MMEL1: variants seen among roughly 807,000 people sequenced by gnomAD.
MMEL1 encodes the protein membrane metalloendopeptidase like 1.
MMEL1 carries 98 observed loss-of-function variants against 117.1 expected under a neutral mutation model. The ratio of observed to expected loss-of-function variants is 0.84; its 90% CI spans 0.71 to 0.99. The LOEUF (loss-of-function observed/expected upper bound fraction) is 0.99. Ranked by LOEUF, MMEL1 falls within the 50% of genes least tolerant of loss-of-function variation. The pLI is 0.00. For synonymous variants in MMEL1, 390 were observed against 415.1 expected (o/e 0.94, Z 0.74); for missense variants, 1,014 against 1,049.1 (o/e 0.97, Z 0.46).
At chr1:2,602,115 G>GTTCGTC (rs1644942034) in intron 11 of MMEL1, among the ~76,000 whole-genome samples, 1 of 116,796 alleles carries the variant, frequency 8.6e-6, no homozygotes, top group Non-Finnish European at 1.7e-5. Context: ...GTTGTCGCAT[G>GTTCGTC]TTCTTAGAGT....
intron 1 of MMEL1, 49 bp from the exon 2 acceptor site, chr1:2,629,570 A>AGCCCG: frequency 2.9e-6 from 4 of 1,358,646 alleles, no homozygotes; most frequent in Middle Eastern, 2.7e-4. Context: ...GAGCTCCCCG[A>AGCCCG]GCCCGGCCCG....
chr1:2,617,892 C>CA (rs1269502629), intron 2 of MMEL1, among the ~76,000 whole-genome samples: 4 of 152,144 alleles, frequency 2.6e-5, no homozygotes, highest in Non-Finnish European at 5.9e-5. Context: ...TTCATAATTC[C>CA]AAAAAGGGCA....
intron 11 of MMEL1, among the ~76,000 whole-genome samples, chr1:2,600,834 A>G (rs1038787731): frequency 6.6e-6 from 1 of 152,266 alleles, no homozygotes; most frequent in African/African-American, 2.4e-5. Context: ...TATATCAGCA[A>G]CAAATAAGAT....
In MMEL1 at chr1:2,590,934, A is replaced by T; in HGVS notation, c.*56T>A. ...GGGTCGCCGCTAGCTGCACCTTCGC[A>T]CAGATGCCTCCGAGCAGCGGGTGGG... On this transcript the variant is annotated 3_prime_UTR_variant, in exon 24 of 24. Coordinates refer to ENST00000378412, the MANE Select transcript of MMEL1 (RefSeq NM_033467.4). 1.5e-6 allele frequency: 2 copies of T among 1,357,872 alleles called. No homozygotes were observed. Among genetic ancestry groups the T allele is most frequent in the Non-Finnish European group, 1.9e-6 (2 of 1,029,402 alleles). The allele number at this position is 1,357,872 out of a possible 1,614,324, so 84.1% of individuals were successfully genotyped here. A position where few individuals can be genotyped will look rare whatever the true frequency, so the allele number is the denominator to read the frequency against.
In MMEL1 at chr1:2,627,179, T is replaced by TTC. The variant is rs199699334; in HGVS notation, c.154+2151_154+2152insGA. Among the ~76,000 whole-genome samples, 981 of 152,408 alleles carry TTC rather than the reference T, an allele frequency of 6.4e-3. 18 individuals are homozygous for TTC. Among genetic ancestry groups the TTC allele is most frequent in the African/African-American group, 0.022 (923 of 41,596 alleles). ...GTGAAAGATATATTAACTTCATATG[T>TTC]GTATCTTACTACAATATTAAATTTA... On this transcript the variant is annotated intron_variant, in intron 2 of 23. Transcript: ENST00000378412.
intron 4 of MMEL1, among the ~76,000 whole-genome samples, chr1:2,610,551 G>A (rs1645108531): frequency 6.6e-6 from 1 of 152,166 alleles, no homozygotes; most frequent in Non-Finnish European, 1.5e-5. Context: ...TCTGCCCCCT[G>A]CCCCCTCACT....
chr1:2,594,753 C>T, intron 17 of MMEL1, 37 bp downstream of exon 17: 1 of 1,529,732 alleles, frequency 6.5e-7, no homozygotes. Flanking sequence ...CACTCCCTGG[C>T]CCCCCCCGCC....
chr1:2,628,648 C>A (rs902728121), intron 2 of MMEL1, among the ~76,000 whole-genome samples: 10 of 151,298 alleles, frequency 6.6e-5, no homozygotes, highest in Non-Finnish European at 1.3e-4. Context: ...AGCCCCTGAA[C>A]CAAGAGGGGA....
At chr1:2,627,411 G>C (rs1181069316) in intron 2 of MMEL1, among the ~76,000 whole-genome samples, 1 of 152,106 alleles carries the variant, frequency 6.6e-6, no homozygotes, top group Non-Finnish European at 1.5e-5. Context: ...CAAGAGAATG[G>C]AAAAAGAGCC....
At position 2,593,725 on chromosome 1, in the gene MMEL1, G is replaced by A. The variant is rs78505356; in HGVS notation, c.1867+89C>T. On this transcript the variant is annotated intron_variant, in intron 19 of 23. Transcript: ENST00000378412. Reference sequence around the variant, plus strand: ...TCGGTGTCCCCACTGAAACCGTGAAGGGGTTGAATGGAGCGCCCCCAGGCC... The same window carrying A: ...TCGGTGTCCCCACTGAAACCGTGAAAGGGTTGAATGGAGCGCCCCCAGGCC... 7,247 of 1,440,824 alleles carry A rather than the reference G, an allele frequency of 5.0e-3. 294 individuals are homozygous for A. In the African/African-American group the frequency reaches 0.094, roughly 19 times the overall value. 89.3% of individuals were successfully genotyped at this position (1,440,824 alleles called of 1,614,324 possible). A position where few individuals can be genotyped will look rare whatever the true frequency, so the allele number is the denominator to read the frequency against.
intron 9 of MMEL1, among the ~76,000 whole-genome samples, chr1:2,605,107 C>G (rs889601452): frequency 6.6e-6 from 1 of 152,152 alleles, no homozygotes; most frequent in African/African-American, 2.4e-5. Context: ...TTCCCTGCAC[C>G]CTGGGCTAGC....
At chr1:2,626,730 C>T (rs1417662397) in intron 2 of MMEL1, among the ~76,000 whole-genome samples, 1 of 151,998 alleles carries the variant, frequency 6.6e-6, no homozygotes, top group Non-Finnish European at 1.5e-5. Context: ...AAGTTTATAA[C>T]TTTAAAAATA....
intron 13 of MMEL1, among the ~76,000 whole-genome samples, chr1:2,597,951 C>T (rs963461194): frequency 1.5e-4 from 23 of 152,184 alleles, no homozygotes; most frequent in African/African-American, 5.1e-4. Flanking sequence ...TCTCAAATGT[C>T]GCCTCCCCGG....
At chr1:2,628,716 G>A (rs1369652811) in intron 2 of MMEL1, among the ~76,000 whole-genome samples, 1 of 150,940 alleles carries the variant, frequency 6.6e-6, no homozygotes, top group African/African-American at 2.5e-5. Flanking sequence ...AGCCGGGGGC[G>A]GGGGGAGTGT....
chr1:2,609,939 G>T, intron 4 of MMEL1, 108 bp from the exon 5 acceptor site: 1 of 1,266,794 alleles, frequency 7.9e-7, no homozygotes, highest in South Asian at 1.5e-5. Flanking sequence ...CTTGGGAAGG[G>T]GCTGCTGTCC....
At chr1:2,597,900 C>T (rs1044872394) in intron 13 of MMEL1, among the ~76,000 whole-genome samples, 3 of 152,192 alleles carry the variant, frequency 2.0e-5, no homozygotes, top group African/African-American at 7.2e-5. Flanking sequence ...GCTGTTTCTG[C>T]TCCCGGGAAA....
intron 6 of MMEL1, among the ~76,000 whole-genome samples, chr1:2,608,368 C>T (rs923038373): frequency 6.6e-6 from 1 of 152,114 alleles, no homozygotes; most frequent in African/African-American, 2.4e-5. Flanking sequence ...GGGGGTGCTC[C>T]AAGCACGTGA....
intron 8 of MMEL1, 24 bp from the exon 9 acceptor site, chr1:2,605,647 C>A (rs772152434): frequency 6.2e-7 from 1 of 1,604,706 alleles, no homozygotes; most frequent in South Asian, 1.1e-5. Flanking sequence ...AGGTGTGACC[C>A]TGGGCAAGGG....
At chr1:2,602,989 G>A (rs1375020755) in intron 11 of MMEL1, among the ~76,000 whole-genome samples, 1 of 152,240 alleles carries the variant, frequency 6.6e-6, no homozygotes, top group Non-Finnish European at 1.5e-5. Flanking sequence ...ATAAAGCCCA[G>A]TGCCAGAGCA....
Sources: allele counts gnomAD v4.1 joint callset (sites outside exome capture counted in the v4.1 genomes callset), GRCh38; gene constraint gnomAD v4.1.1; transcripts MANE v1.5; gene names NCBI Gene and HGNC (gene_info 2026-07-23, HGNC 2026-07-21).